Variants in PGBD1 observed in about 807,000 individuals in gnomAD.
PGBD1 encodes the protein piggyBac transposable element derived 1.
Under a neutral mutation model 34.7 loss-of-function variants are expected in PGBD1, and 25 were observed. The ratio of observed to expected loss-of-function variants is 0.72; its 90% CI spans 0.52 to 1.00. The LOEUF (loss-of-function observed/expected upper bound fraction) is 1.00, where lower values mean the gene tolerates loss of function less well. Ranked by LOEUF, PGBD1 falls within the 50% of genes least tolerant of loss-of-function variation. PGBD1 has a pLI of 0.00. For missense variants in PGBD1, 830 were observed against 959.4 expected (o/e 0.87, Z 1.78); for synonymous variants, 292 against 335.7 (o/e 0.87, Z 1.42).
chr6:28,288,495 G>A (rs2113746142), intron 4 of PGBD1, among the ~76,000 whole-genome samples: 1 of 152,286 alleles, frequency 6.6e-6, no homozygotes, highest in East Asian at 1.9e-4. Flanking sequence ...ACACATTAGA[G>A]GCAGCCATCC....
At chr6:28,284,339 A>C in intron 2 of PGBD1, 130 bp downstream of exon 2, 1 of 1,071,712 alleles carries the variant, frequency 9.3e-7, no homozygotes, top group Non-Finnish European at 1.2e-6. Context: ...CTCCCGTAAA[A>C]CTCTTCATCC....
intron 6 of PGBD1, among the ~76,000 whole-genome samples, chr6:28,299,606 T>C (rs1762759652): frequency 6.6e-6 from 1 of 152,260 alleles, no homozygotes; most frequent in Non-Finnish European, 1.5e-5. Context: ...TATTAAAATA[T>C]ACTCTTCATG....
At chr6:28,293,205 T>C (rs1762521567) in intron 4 of PGBD1, among the ~76,000 whole-genome samples, 1 of 152,132 alleles carries the variant, frequency 6.6e-6, no homozygotes, top group African/African-American at 2.4e-5. Context: ...CCTCCCAAAG[T>C]GCTGGGATTA....
Position 28,301,640 on chromosome 6 carries a change from G to A in PGBD1, c.1786G>A (p.Glu596Lys). ...AGAAGAATCAACTATGAAGGTAGAT[G>A]AGGATCCTGATCTTGGGTTAGGTGG... ...YQEESTMKVD[E>K]DPDLGLGGNL... Residue 596 changes from glutamate to lysine, a missense_variant, in exon 7 of 7, where the codon GAG (glutamate) becomes AAG (lysine). Physicochemically the swap from Glu to Lys is moderately conservative, Grantham distance 56. Around this residue, in one of 3 missense-constraint regions of PGBD1, gnomAD observed 372 missense variants for 427.9 expected, o/e 0.87. Coordinates refer to ENST00000682144, the MANE Select transcript of PGBD1 (RefSeq NM_032507.4). 6.2e-7 allele frequency: 1 copy of A among 1,614,188 alleles called. No homozygotes were observed. The highest frequency in any genetic ancestry group is 8.5e-7 in the Non-Finnish European group (1 of 1,180,022).
At chr6:28,292,119 C>T (rs143309761) in intron 4 of PGBD1, among the ~76,000 whole-genome samples, 6 of 152,006 alleles carry the variant, frequency 3.9e-5, no homozygotes, top group Admixed American at 6.6e-5. Context: ...GCATCCAAAC[C>T]GGATAGCAAA....
At chr6:28,286,617 C>T (rs1762291308) in intron 3 of PGBD1, among the ~76,000 whole-genome samples, 1 of 152,082 alleles carries the variant, frequency 6.6e-6, no homozygotes, top group Non-Finnish European at 1.5e-5. Flanking sequence ...GCTAACATCT[C>T]TTCTCTATTT....
chr6:28,282,668 G>A (rs1413427737), intron 1 of PGBD1, among the ~76,000 whole-genome samples: 1 of 152,218 alleles, frequency 6.6e-6, no homozygotes, highest in East Asian at 1.9e-4. Flanking sequence ...TGATGGTGAT[G>A]CCAGTAGAAA....
chr6:28,302,515 G>C lies in PGBD1; in HGVS notation c.*231G>C. 2.2e-6 allele frequency: 1 copy of C among 461,082 alleles called. No homozygotes were observed. The highest frequency in any genetic ancestry group is 3.8e-6 in the Non-Finnish European group (1 of 264,986). 28.6% of individuals were successfully genotyped at this position (461,082 alleles called of 1,614,324 possible). On this transcript the variant is annotated 3_prime_UTR_variant, in exon 7 of 7. Transcript: ENST00000682144. ...TACCTTTCTCTATGTCAAGTTTTGT[G>C]TCAGACATGGGAAATCATGTATTTG...
chr6:28,284,340 C>T, intron 2 of PGBD1, 131 bp downstream of exon 2: 8 of 1,074,792 alleles, frequency 7.4e-6, no homozygotes, highest in Non-Finnish European at 1.0e-5. Flanking sequence ...TCCCGTAAAA[C>T]TCTTCATCCA....
At chr6:28,295,180 A>G (rs189228792) in intron 4 of PGBD1, among the ~76,000 whole-genome samples, 69 of 152,362 alleles carry the variant, frequency 4.5e-4, no homozygotes, top group African/African-American at 1.5e-3. Flanking sequence ...TTAGAAGTGG[A>G]ACCTGAAGAT....
chr6:28,282,498 G>A (rs1762159798), intron 1 of PGBD1, among the ~76,000 whole-genome samples: 1 of 152,268 alleles, frequency 6.6e-6, no homozygotes, highest in Non-Finnish European at 1.5e-5. Flanking sequence ...CCATAGAAGC[G>A]GGGAGTTGGG....
In PGBD1 at chr6:28,301,768, C is replaced by G; in HGVS notation, c.1914C>G (p.Ala638=). 6.2e-7 allele frequency: 1 copy of G among 1,614,000 alleles called. No individual in the cohort carries two copies. Among genetic ancestry groups the G allele is most frequent in the Non-Finnish European group, 8.5e-7 (1 of 1,180,020 alleles). ...TTACAAGTGTCAAATTGTTGTCAGC[C>G]TTGAAAAAGAAGGGGGTGAGGGCAA... ...SFFTSVKLLS[A]LKKKGVRATG... The change falls in exon 7 of 7, where the codon GCC becomes GCG. Residue 638 remains alanine, a synonymous_variant. Coordinates refer to ENST00000682144, the MANE Select transcript of PGBD1 (RefSeq NM_032507.4).
chr6:28,287,203 T>A, intron 4 of PGBD1, 35 bp downstream of exon 4: 4 of 1,517,012 alleles, frequency 2.6e-6, no homozygotes, highest in Non-Finnish European at 3.7e-6. Flanking sequence ...GGAATATCAG[T>A]AGTGGTCTTT....
chr6:28,293,410 C>T (rs1762530001), intron 4 of PGBD1, among the ~76,000 whole-genome samples: 1 of 152,118 alleles, frequency 6.6e-6, no homozygotes, highest in Non-Finnish European at 1.5e-5. Context: ...AAATTATGGA[C>T]TGATAAAGGG....
chr6:28,287,072 C>T lies in PGBD1; in HGVS notation c.554-8C>T, dbSNP rs777927452. ...CTCATTTAGGACTCTTGCCCTCTCT[C>T]TCTGCAGGGCCTGTTCCCCACGGAT... is the stretch of plus-strand genomic sequence containing the variant. On this transcript the variant is annotated splice_region_variant and splice_polypyrimidine_tract_variant and intron_variant, in intron 3 of 6. Transcript: ENST00000682144. 1.2e-6 allele frequency: 2 copies of T among 1,611,354 alleles called. No individual in the cohort carries two copies. The highest frequency in any genetic ancestry group is 1.7e-5 in the Admixed American group (1 of 60,014).
chr6:28,289,740 T>G (rs1347458476), intron 4 of PGBD1, among the ~76,000 whole-genome samples: 1 of 152,096 alleles, frequency 6.6e-6, no homozygotes, highest in Non-Finnish European at 1.5e-5. Context: ...ATGCTATACC[T>G]GGAGACATGA....
rs758742039 is a variant in PGBD1, at chr6:28,296,976, C to G, written c.772+31C>G. 3.1e-6 allele frequency: 5 copies of G among 1,612,210 alleles called. No homozygotes were observed. In the South Asian group the frequency reaches 3.3e-5, roughly 11 times the overall value. Reference sequence around the variant, plus strand: ...GCCAGGCCTCTGGCTGGACCCCTGTCTGGACTCTCATTTTCCTGTCACTCA... The same window carrying G: ...GCCAGGCCTCTGGCTGGACCCCTGTGTGGACTCTCATTTTCCTGTCACTCA... On this transcript the variant is annotated intron_variant, in intron 5 of 6. Transcript: ENST00000682144.
chr6:28,298,419 G>A (rs1318180859), intron 6 of PGBD1, among the ~76,000 whole-genome samples: 2 of 152,084 alleles, frequency 1.3e-5, no homozygotes, highest in Non-Finnish European at 1.5e-5. Context: ...AATCTGAAAT[G>A]TTCCAAAATC....
At chr6:28,296,276 A>G (rs75911870) in intron 4 of PGBD1, among the ~76,000 whole-genome samples, 5,550 of 152,316 alleles carry the variant, frequency 0.036, 250 homozygotes, top group East Asian at 0.24. Context: ...AGGTATTTGT[A>G]GTCAGTTTAA....
Sources: gnomAD v4.1 joint callset for allele counts (sites outside exome capture counted in the v4.1 genomes callset) on GRCh38, gnomAD v4.1.1 for gene constraint, gnomAD v4.1.1 regional missense constraint, MANE v1.5 for transcripts, NCBI Gene and HGNC (gene_info 2026-07-23, HGNC 2026-07-21) for gene names.